The following SUSD5 variants were observed in gnomAD, a reference collection of about 807,000 sequenced individuals.
SUSD5 encodes the protein sushi domain containing 5.
A neutral mutation model predicts 29.5 loss-of-function variants in SUSD5; 33 were observed. The ratio of observed to expected loss-of-function variants is 1.12; its 90% confidence interval spans 0.85 to 1.49. The LOEUF (loss-of-function observed/expected upper bound fraction) is 1.49, where lower values mean the gene tolerates loss of function less well. Among genes scored for constraint, SUSD5 ranks in the 40% most tolerant of loss-of-function variants. SUSD5 has a pLI of 0.00. For synonymous variants in SUSD5, 308 were observed against 325.3 expected, an observed-to-expected ratio of 0.95 and a Z score of 0.57; for missense variants, 776 against 800.6, an observed-to-expected ratio of 0.97 and a Z score of 0.37.
chr3:33,190,678 T>C (rs985791849), intron 3 of SUSD5, among the ~76,000 whole-genome samples: 11 of 152,322 alleles, frequency 7.2e-5, no homozygotes, highest in African/African-American at 2.2e-4. Context: ...TGCTGATTAC[T>C]TCAAACTGAG....
chr3:33,198,048 A>C (rs13097945), intron 3 of SUSD5, among the ~76,000 whole-genome samples: 1 of 152,222 alleles, frequency 6.6e-6, no homozygotes, highest in African/African-American at 2.4e-5. Context: ...TGCATATTAA[A>C]CTTTGCAGAA....
chr3:33,218,715 C>A lies in SUSD5; in HGVS notation c.83G>T (p.Gly28Val). 1 of 1,329,394 alleles carries A rather than the reference C, an allele frequency of 7.5e-7. No homozygotes were observed. The highest frequency in any genetic ancestry group is 1.9e-5 in the South Asian group (1 of 51,380). 82.3% of individuals were successfully genotyped at this position (1,329,394 alleles called of 1,614,324 possible). ...CGCCCGCACCGAAAGGCGCGGCAGA[C>A]CGAGCAGGAGCAGCGCCGCCGCCCA... ...GLWAAALLLL[G>V]LPRLSVRADG... Residue 28 changes from glycine to valine, a missense_variant, in exon 1 of 5, where the codon GGT (glycine) becomes GTT (valine). By Grantham distance (109) the Gly-to-Val change is moderately radical (BLOSUM62 -3). Transcript: ENST00000309558.
chr3:33,170,693 T>C (rs2031406801), intron 4 of SUSD5, among the ~76,000 whole-genome samples: 1 of 152,234 alleles, frequency 6.6e-6, no homozygotes, highest in Non-Finnish European at 1.5e-5. Context: ...ACACTGGCCA[T>C]GCCCTTCTGG....
In SUSD5 at chr3:33,167,282, T is replaced by C. The variant is rs2031325248; in HGVS notation, c.598+7604A>G. Among the ~76,000 whole-genome samples the C allele has an allele frequency of 1.3e-5, 2 of 152,074 alleles. No individual in the cohort carries two copies. Among genetic ancestry groups the C allele is most frequent in the Admixed American group, 1.3e-4 (2 of 15,264 alleles). On this transcript the variant is annotated intron_variant, in intron 4 of 4. Transcript: ENST00000309558. This position sits in a 1 kb window ranked among gnomAD's most constrained non-coding sequence, Gnocchi z 4.1. ...TATGTTCTCCTCTCTCACTTTTTTG[T>C]GTGTGCAGGCAACACTGGCTTAGCA... is the stretch of plus-strand genomic sequence containing the variant.
At chr3:33,172,490 A>G (rs4312614) in intron 4 of SUSD5, among the ~76,000 whole-genome samples, 31,804 of 152,016 alleles carry the variant, frequency 0.21, 3,825 homozygotes, top group East Asian at 0.42. Flanking sequence ...AACATTAACA[A>G]CTCAGGGTGG....
At chr3:33,201,271 A>G (rs1427073980) in intron 3 of SUSD5, among the ~76,000 whole-genome samples, 1 of 152,198 alleles carries the variant, frequency 6.6e-6, no homozygotes, top group Non-Finnish European at 1.5e-5. Flanking sequence ...GCACACATGT[A>G]TATGTCTGCA....
At position 33,211,604 on chromosome 3, in the gene SUSD5, T is replaced by C. The variant is rs545241526; in HGVS notation, c.290+2324A>G. On this transcript the variant is annotated intron_variant, in intron 2 of 4. Coordinates refer to ENST00000309558, the MANE Select transcript of SUSD5 (RefSeq NM_015551.2). ...GCACATTTGGAGACATGAGTCAGCA[T>C]GGCTATGTTTTCTATGGCCACTCGC... Among the ~76,000 whole-genome samples, 6 of 152,340 alleles carry C rather than the reference T, an allele frequency of 3.9e-5. No homozygotes were observed. The East Asian group carries it at 9.7e-4, about 25-fold the overall frequency.
intron 3 of SUSD5, among the ~76,000 whole-genome samples, chr3:33,186,345 G>C (rs1363485165): frequency 6.6e-6 from 1 of 151,140 alleles, no homozygotes; most frequent in Non-Finnish European, 1.5e-5. Context: ...GATGAAAATA[G>C]AAAATAATAA....
intron 3 of SUSD5, among the ~76,000 whole-genome samples, chr3:33,203,719 T>A (rs2032162786): frequency 6.6e-6 from 1 of 152,140 alleles, no homozygotes; most frequent in Non-Finnish European, 1.5e-5. Context: ...CTGGAACACA[T>A]CCGGACAGTT....
At chr3:33,173,487 A>G (rs2031478174) in intron 4 of SUSD5, among the ~76,000 whole-genome samples, 1 of 152,196 alleles carries the variant, frequency 6.6e-6, no homozygotes, top group Non-Finnish European at 1.5e-5. Context: ...AGCTGATTGG[A>G]TAAATAAATA....
intron 3 of SUSD5, among the ~76,000 whole-genome samples, chr3:33,185,286 T>C (rs2031754722): frequency 6.6e-6 from 1 of 152,238 alleles, no homozygotes; most frequent in Non-Finnish European, 1.5e-5. Context: ...TTCTGGGGTA[T>C]TTCAAAATGG....
intron 4 of SUSD5, among the ~76,000 whole-genome samples, chr3:33,170,923 T>C (rs562315794): frequency 1.3e-5 from 2 of 152,218 alleles, no homozygotes; most frequent in African/African-American, 2.4e-5. Flanking sequence ...GATCAGCACA[T>C]AGGTGAAAGA....
intron 2 of SUSD5, 69 bp downstream of exon 2, chr3:33,213,859 A>C (rs1036196268): frequency 2.0e-6 from 3 of 1,476,686 alleles, no homozygotes; most frequent in Non-Finnish European, 2.7e-6. Flanking sequence ...CAGAACAATT[A>C]CTGAGTCCTA....
chr3:33,213,728 T>C lies in SUSD5; in HGVS notation c.290+200A>G, dbSNP rs534264494. ...GGTGGAGGTTGCAGTGAGCCTAGATTGCACCACTGCACTCCAACCTGGGCA... is the reference window on the plus strand; with the variant it reads ...GGTGGAGGTTGCAGTGAGCCTAGATCGCACCACTGCACTCCAACCTGGGCA... On this transcript the variant is annotated intron_variant, in intron 2 of 4. Transcript: ENST00000309558. Among the ~76,000 whole-genome samples the C allele has an allele frequency of 6.6e-5, 10 of 151,068 alleles. No individual in the cohort carries two copies. In the South Asian group the frequency reaches 2.1e-3, roughly 31 times the overall value.
In SUSD5 at chr3:33,153,447, C is replaced by A. The variant is rs746003697; in HGVS notation, c.1185G>T (p.Gly395=). 1 of 1,614,054 alleles carries A rather than the reference C, an allele frequency of 6.2e-7. No homozygotes were observed. The highest frequency in any genetic ancestry group is 8.5e-7 in the Non-Finnish European group (1 of 1,180,012). The stretch of plus-strand genomic sequence containing the variant: ...TTTCATCCAGCCCTACTGACCCATC[C>A]CCTCTGTCCCCATCTTCTTCCTCTT... ...EAEEEEDGDR[G]DGSVGLDENV... is the part of the protein sequence containing the mutation. The change falls in exon 5 of 5, where the codon GGG becomes GGT. Residue 395 remains glycine, a synonymous_variant. Transcript: ENST00000309558.
chr3:33,174,251 C>G (rs1372116171), intron 4 of SUSD5, among the ~76,000 whole-genome samples: 1 of 152,098 alleles, frequency 6.6e-6, no homozygotes. Context: ...TCCTGGAGTT[C>G]GTCTCCTCGC....
At position 33,153,837 on chromosome 3, in the gene SUSD5, G is replaced by T. The variant is rs779796774; in HGVS notation, c.795C>A (p.Val265=). ...CAGGCAAGCCTGTGGTTGGCACAAA[G>T]ACTTTATCCCGGGCTATGTTTTCTC... ...VGRENIARDK[V]FVPTTGLPGA... is the part of the protein sequence containing the mutation. The change falls in exon 5 of 5, where the codon GTC becomes GTA. Residue 265 remains valine (V), a synonymous_variant. Transcript: ENST00000309558. 1.4e-5 allele frequency: 23 copies of T among 1,613,890 alleles called. No individual in the cohort carries two copies. Among genetic ancestry groups the T allele is most frequent in the Non-Finnish European group, 1.9e-5 (22 of 1,179,886 alleles).
chr3:33,156,641 T>C (rs1247800453), intron 4 of SUSD5, among the ~76,000 whole-genome samples: 1 of 152,138 alleles, frequency 6.6e-6, no homozygotes, highest in East Asian at 1.9e-4. Flanking sequence ...CCCACTTAAC[T>C]TTCAACTTCG....
intron 3 of SUSD5, among the ~76,000 whole-genome samples, chr3:33,206,861 A>ATGT (rs2032230632): frequency 6.6e-6 from 1 of 152,152 alleles, no homozygotes; most frequent in African/African-American, 2.4e-5. Flanking sequence ...GAACATTTAA[A>ATGT]TCAGAATCTT....
Sources: gnomAD v4.1 joint callset for allele counts (sites outside exome capture counted in the v4.1 genomes callset) on GRCh38, gnomAD v4.1.1 for gene constraint, Gnocchi (gnomAD v3.1) non-coding constraint, MANE v1.5 for transcripts, NCBI Gene and HGNC (gene_info 2026-07-23, HGNC 2026-07-21) for gene names.